AGBL4: variants seen among roughly 807,000 people sequenced by gnomAD.
AGBL4 encodes the protein AGBL carboxypeptidase 4.
A neutral mutation model predicts 66.4 loss-of-function variants in AGBL4; 58 were observed. That is an observed-to-expected ratio of 0.87 (90% CI 0.71 to 1.09). The LOEUF (loss-of-function observed/expected upper bound fraction) is 1.09. AGBL4 is among the 50% of genes least tolerant of loss of function. AGBL4 has a pLI of 0.00. For synonymous variants in AGBL4, 234 were observed against 222.9 expected (o/e 1.05, Z -0.44); for missense variants, 579 against 631.0 (o/e 0.92, Z 0.88).
rs1260527805 is a variant in AGBL4, at chr1:49,469,576, T to C, written c.283-223712A>G. 2.6e-5 allele frequency among the ~76,000 whole-genome samples: 4 copies of C among 151,956 alleles called. No individual in the cohort carries two copies. The East Asian group carries it at 7.7e-4, about 29-fold the overall frequency. Reference sequence around the variant, plus strand: ...AAATACAAGTGGTAGTATACATTTATACCAAAGATGACCAAACTCTTTCTG... The same window carrying C: ...AAATACAAGTGGTAGTATACATTTACACCAAAGATGACCAAACTCTTTCTG... On this transcript the variant is annotated intron_variant, in intron 3 of 13. Transcript: ENST00000371839.
At chr1:48,619,328 A>G (rs1645370813) in intron 9 of AGBL4, among the ~76,000 whole-genome samples, 1 of 152,204 alleles carries the variant, frequency 6.6e-6, no homozygotes, top group Non-Finnish European at 1.5e-5. Context: ...TAAACAGATT[A>G]GTGTGGTGTG....
In AGBL4 at chr1:48,677,160, T is replaced by G. The variant is rs144053135; in HGVS notation, c.635-13919A>C. ...ACAACAGGCAAGGGTGTGGGGTGAG[T>G]AGACAAGAGAACATGCCTACATCAA... is the stretch of plus-strand genomic sequence containing the variant. On this transcript the variant is annotated intron_variant, in intron 6 of 13. Transcript: ENST00000371839. 6.3e-3 allele frequency among the ~76,000 whole-genome samples: 964 copies of G among 152,058 alleles called. 14 individuals carry two copies. Among genetic ancestry groups the G allele is most frequent in the Non-Finnish European group, 8.0e-3 (541 of 67,966 alleles).
At chr1:48,758,832 C>A in intron 6 of AGBL4, 1 of 1,380,482 alleles carries the variant, frequency 7.2e-7, no homozygotes, top group Non-Finnish European at 9.6e-7. Flanking sequence ...CCTTTCCCTT[C>A]CTGGAAGAGG....
At chr1:49,454,476 T>G (rs1034440081) in intron 3 of AGBL4, among the ~76,000 whole-genome samples, 2 of 151,890 alleles carry the variant, frequency 1.3e-5, no homozygotes, top group Admixed American at 1.3e-4. Flanking sequence ...TGCTAAAGGC[T>G]TTATGAATAT....
intron 4 of AGBL4, among the ~76,000 whole-genome samples, chr1:49,125,391 G>A (rs1039647640): frequency 1.3e-5 from 2 of 152,008 alleles, no homozygotes; most frequent in Non-Finnish European, 2.9e-5. Flanking sequence ...TAGTTGTATG[G>A]CCAGCAAATG....
intron 3 of AGBL4, among the ~76,000 whole-genome samples, chr1:49,351,951 A>T (rs1223601247): frequency 6.6e-6 from 1 of 152,208 alleles, no homozygotes. Flanking sequence ...AATTCCTGCA[A>T]AGAGTATTTG....
chr1:49,239,909 GAGTA>G (rs1651082625), intron 4 of AGBL4, among the ~76,000 whole-genome samples: 1 of 152,008 alleles, frequency 6.6e-6, no homozygotes, highest in African/African-American at 2.4e-5. Flanking sequence ...CAGAAAAAGA[GAGTA>G]AGTATGTGTG....
intron 2 of AGBL4, among the ~76,000 whole-genome samples, chr1:49,817,022 C>G (rs1446131325): frequency 6.6e-6 from 1 of 152,206 alleles, no homozygotes; most frequent in African/African-American, 2.4e-5. Context: ...CTCATAGCCT[C>G]TTAGAGAATC....
chr1:49,667,416 C>T (rs953804382), intron 3 of AGBL4, among the ~76,000 whole-genome samples: 5 of 152,046 alleles, frequency 3.3e-5, no homozygotes, highest in African/African-American at 1.2e-4. Context: ...TGTGATTGCA[C>T]ACCTGCACTC....
intron 5 of AGBL4, among the ~76,000 whole-genome samples, chr1:48,896,577 C>T (rs1033297282): frequency 2.6e-4 from 39 of 152,208 alleles, no homozygotes; most frequent in African/African-American, 9.4e-4. Flanking sequence ...GAGGTGAAGA[C>T]ATTTAATAAT....
At chr1:48,661,878 G>T (rs1280129231) in intron 7 of AGBL4, among the ~76,000 whole-genome samples, 1 of 152,174 alleles carries the variant, frequency 6.6e-6, no homozygotes, top group Non-Finnish European at 1.5e-5. Context: ...CAAGTAAAGG[G>T]GTTGGTAAAC....
At chr1:50,008,856 G>C (rs1661325493) in intron 1 of AGBL4, among the ~76,000 whole-genome samples, 1 of 152,048 alleles carries the variant, frequency 6.6e-6, no homozygotes, top group African/African-American at 2.4e-5. Flanking sequence ...AGGATCATTA[G>C]AGGCCATCAT....
At chr1:49,339,986 C>T (rs936347441) in intron 3 of AGBL4, among the ~76,000 whole-genome samples, 1 of 152,102 alleles carries the variant, frequency 6.6e-6, no homozygotes, top group Non-Finnish European at 1.5e-5. Context: ...TCCCAGTATA[C>T]CTTGCAATTA....
chr1:49,252,077 T>C (rs1470556958), intron 3 of AGBL4, among the ~76,000 whole-genome samples: 1 of 151,858 alleles, frequency 6.6e-6, no homozygotes, highest in Non-Finnish European at 1.5e-5. Context: ...ATGACAGAAA[T>C]AGCATTCAGA....
At chr1:49,165,242 G>A (rs74552174) in intron 4 of AGBL4, among the ~76,000 whole-genome samples, 6 of 152,070 alleles carry the variant, frequency 3.9e-5, no homozygotes, top group Non-Finnish European at 8.8e-5. Flanking sequence ...GATATGGATA[G>A]AATAGTAAAG....
intron 3 of AGBL4, among the ~76,000 whole-genome samples, chr1:49,382,760 G>C (rs925974215): frequency 2.6e-5 from 4 of 152,144 alleles, no homozygotes; most frequent in Non-Finnish European, 5.9e-5. Flanking sequence ...TACATGTAAA[G>C]ACCTTAAGAG....
intron 6 of AGBL4, among the ~76,000 whole-genome samples, chr1:48,697,903 G>A (rs1053607500): frequency 5.3e-5 from 8 of 152,186 alleles, no homozygotes; most frequent in East Asian, 1.9e-4. Flanking sequence ...AGAAAAAAAC[G>A]TTATATGCAG....
intron 4 of AGBL4, among the ~76,000 whole-genome samples, chr1:49,063,639 C>T (rs891074632): frequency 1.3e-5 from 2 of 152,024 alleles, no homozygotes; most frequent in Admixed American, 6.5e-5. Context: ...ACATATATGG[C>T]AGGTGGTGAC....
chr1:49,644,826 A>G (rs1424124470), intron 3 of AGBL4, among the ~76,000 whole-genome samples: 2 of 151,516 alleles, frequency 1.3e-5, no homozygotes, highest in Non-Finnish European at 3.0e-5. Context: ...ATCCTTTTAA[A>G]GGGCACATGA....
Sources: gnomAD v4.1 joint callset for allele counts (sites outside exome capture counted in the v4.1 genomes callset) on GRCh38, gnomAD v4.1.1 for gene constraint, MANE v1.5 for transcripts, NCBI Gene and HGNC (gene_info 2026-07-23, HGNC 2026-07-21) for gene names.